TRIM14: variants seen among roughly 807,000 people sequenced by gnomAD.
TRIM14 encodes the protein tripartite motif-containing protein 14.
A neutral mutation model predicts 44.5 loss-of-function variants in TRIM14; 28 were observed. The ratio of observed to expected loss-of-function variants is 0.63; its 90% CI spans 0.47 to 0.86. TRIM14 has a LOEUF of 0.86. Ranked by LOEUF, TRIM14 falls within the 40% of genes least tolerant of loss-of-function variation. The pLI is 0.00. For synonymous variants in TRIM14, 299 were observed against 269.2 expected (o/e 1.11, Z -1.08); for missense variants, 607 against 611.1 (o/e 0.99, Z 0.07).
the TRIM14 span, among the ~76,000 whole-genome samples, chr9:98,049,485 G>T: frequency 2.6e-5 from 4 of 152,018 alleles, no homozygotes; most frequent in Admixed American, 2.0e-4. Flanking sequence ...CAGGAAAGGG[G>T]TGGGCACTTT....
At chr9:98,109,852 G>T (rs1279576531) in intron 2 of TRIM14, 37 bp downstream of exon 2, 20 of 1,539,932 alleles carry the variant, frequency 1.3e-5, no homozygotes, top group Non-Finnish European at 1.7e-5. Context: ...GGAAATGTGG[G>T]TCTTTCCATG....
intron 4 of TRIM14, chr9:98,092,440 TC>T: frequency 1.5e-5 from 5 of 344,362 alleles, no homozygotes; most frequent in Admixed American, 3.5e-5. Flanking sequence ...CCCACACCCT[TC>T]CCCCCTTGCC....
chr9:98,045,666 A>G, the TRIM14 span, among the ~76,000 whole-genome samples: 2 of 152,138 alleles, frequency 1.3e-5, no homozygotes, highest in African/African-American at 2.4e-5. Context: ...TCATTTCTCA[A>G]CTAAACTCCT....
chr9:98,052,035 T>C, the TRIM14 span, among the ~76,000 whole-genome samples: 1 of 152,156 alleles, frequency 6.6e-6, no homozygotes, highest in Admixed American at 6.5e-5. Context: ...ACCTGGTTAT[T>C]ACACACCAAG....
rs765814555 is a variant in TRIM14 at position 98,088,026 on chromosome 9, G to GA, written c.794-22dup. The GA allele has an allele frequency of 4.1e-6, 6 of 1,480,066 alleles. No individual in the cohort carries two copies. In the East Asian group the frequency reaches 1.4e-4, roughly 34 times the overall value. The allele number at this position is 1,480,066 out of a possible 1,614,324, so 91.7% of individuals were successfully genotyped here. The stretch of plus-strand genomic sequence containing the variant: ...CGCGTCTGCAGGGGGCGAGACAAGG[G>GA]ACGCACCTGGTGGGCGGGGCCAGCG... On this transcript the variant is annotated intron_variant, in intron 5 of 5. Coordinates refer to ENST00000341469, the MANE Select transcript of TRIM14 (RefSeq NM_014788.4).
chr9:98,054,209 C>T, the TRIM14 span, among the ~76,000 whole-genome samples: 1 of 152,100 alleles, frequency 6.6e-6, no homozygotes, highest in Non-Finnish European at 1.5e-5. Context: ...GCTGGACTTG[C>T]ATCAGAAATT....
chr9:98,055,229 G>A, the TRIM14 span, among the ~76,000 whole-genome samples: 1 of 152,154 alleles, frequency 6.6e-6, no homozygotes, highest in African/African-American at 2.4e-5. Context: ...ATGTTGGCAA[G>A]GCTGGTCTCG....
At position 98,085,433 on chromosome 9, in the gene TRIM14, G is replaced by A. The variant is rs549380811; in HGVS notation, c.*2037C>T. 3 of 152,336 alleles carry A rather than the reference G, an allele frequency of 2.0e-5. No individual in the cohort carries two copies. The East Asian group carries it at 5.8e-4, about 29-fold the overall frequency. 9.4% of individuals were successfully genotyped at this position (152,336 alleles called of 1,614,324 possible). On this transcript the variant is annotated 3_prime_UTR_variant, in exon 6 of 6. Coordinates refer to ENST00000341469, the MANE Select transcript of TRIM14 (RefSeq NM_014788.4). The stretch of plus-strand genomic sequence containing the variant: ...TCTAGGGCTGATGAAAGGATCAGAT[G>A]AGTTTAGTCGTAAAGCATTAAAACA...
chr9:98,066,943 G>A (rs940185794), downstream of TRIM14, among the ~76,000 whole-genome samples: 7 of 152,110 alleles, frequency 4.6e-5, no homozygotes, highest in Non-Finnish European at 8.8e-5. Context: ...GAGCCACTGC[G>A]TCCAGCCTCA....
chr9:98,057,817 G>T, the TRIM14 span, among the ~76,000 whole-genome samples: 2 of 147,014 alleles, frequency 1.4e-5, no homozygotes, highest in African/African-American at 5.0e-5. Context: ...ATTTGTGATA[G>T]GTTTTTTAAA....
the TRIM14 span, among the ~76,000 whole-genome samples, chr9:98,054,361 G>T: frequency 2.0e-5 from 3 of 152,088 alleles, no homozygotes; most frequent in Non-Finnish European, 4.4e-5. Context: ...AAGTCTCCCC[G>T]AAATCTTACT....
At chr9:98,055,620 A>G in the TRIM14 span, among the ~76,000 whole-genome samples, 1 of 152,204 alleles carries the variant, frequency 6.6e-6, no homozygotes, top group Non-Finnish European at 1.5e-5. Context: ...CTCCAGGTGC[A>G]TGACTCCTAC....
At position 98,087,643 on chromosome 9, in the gene TRIM14, C is replaced by T. The variant is rs1825832790; in HGVS notation, c.1156G>A (p.Asp386Asn). ...DGQRSRLRPRDDLDRLGVFLD... is the reference protein window; with the variant it reads ...DGQRSRLRPRNDLDRLGVFLD... ...AAGACGCCGAGCCGGTCGAGGTCGTCGCGGGGCCGCAGGCGGCTGCGCTGG... is the reference window on the plus strand; with the variant it reads ...AAGACGCCGAGCCGGTCGAGGTCGTTGCGGGGCCGCAGGCGGCTGCGCTGG... Residue 386 changes from aspartate to asparagine, a missense_variant, in exon 6 of 6, where the codon GAC (aspartate) becomes AAC (asparagine). Asp to Asn is a conservative substitution (Grantham distance 23, BLOSUM62 1). This residue lies in a region of TRIM14 where 356 missense variants were observed against 323.0 expected (regional missense o/e 1.10). Transcript: ENST00000341469. The T allele has an allele frequency of 6.2e-7, 1 of 1,604,638 alleles. No homozygotes were observed. The highest frequency in any genetic ancestry group is 1.3e-5 in the African/African-American group (1 of 74,980).
chr9:98,076,836 A>G, intron 6 of TRIM14: 2 of 1,140,816 alleles, frequency 1.8e-6, no homozygotes, highest in African/African-American at 1.6e-5. Context: ...GGGTTTTTCT[A>G]CTTGTATGTT....
At chr9:98,068,169 C>T (rs917240199), downstream of TRIM14, among the ~76,000 whole-genome samples, 8 of 152,170 alleles carry the variant, frequency 5.3e-5, no homozygotes, top group African/African-American at 1.7e-4. Context: ...GGGTTACACT[C>T]TGTCACCCAG....
chr9:98,055,663 A>C, the TRIM14 span, among the ~76,000 whole-genome samples: 282 of 152,288 alleles, frequency 1.9e-3, 4 homozygotes, highest in Non-Finnish European at 3.4e-3. Flanking sequence ...TGTTAGTCCT[A>C]CAAAGGCAGT....
At chr9:98,060,664 C>G in the TRIM14 span, 1 of 1,024,606 alleles carries the variant, frequency 9.8e-7, no homozygotes, top group East Asian at 2.4e-5. Context: ...GAGCGAAACT[C>G]TGTCTCTAAA....
chr9:98,046,945 G>A, the TRIM14 span, among the ~76,000 whole-genome samples: 1 of 152,164 alleles, frequency 6.6e-6, no homozygotes, highest in Non-Finnish European at 1.5e-5. Flanking sequence ...TTTAAGGGCT[G>A]ATGGGACAGC....
the TRIM14 span, among the ~76,000 whole-genome samples, chr9:98,040,268 T>C: frequency 1.3e-5 from 2 of 152,174 alleles, no homozygotes; most frequent in African/African-American, 4.8e-5. Flanking sequence ...CTGAGCTTTT[T>C]CAAGAAAGGG....
Sources: gnomAD v4.1 joint callset for allele counts (sites outside exome capture counted in the v4.1 genomes callset) on GRCh38, gnomAD v4.1.1 for gene constraint, gnomAD v4.1.1 regional missense constraint, MANE v1.5 for transcripts, NCBI Gene and HGNC (gene_info 2026-07-23, HGNC 2026-07-21) for gene names.